SLC23A2: variants seen among roughly 807,000 people sequenced by gnomAD.
SLC23A2 encodes solute carrier family 23 member 2, also known as Na(+)/L-ascorbic acid transporter 2.
Under a neutral mutation model 73.3 loss-of-function variants are expected in SLC23A2, and 36 were observed. The ratio of observed to expected loss-of-function variants is 0.49; its 90% CI spans 0.38 to 0.65. SLC23A2 has a LOEUF of 0.65. SLC23A2 is among the 30% of genes least tolerant of loss of function. SLC23A2 has a pLI of 0.00. For synonymous variants in SLC23A2, 343 were observed against 327.3 expected, an observed-to-expected ratio of 1.05 and a Z score of -0.52; for missense variants, 507 against 841.6, an observed-to-expected ratio of 0.60 and a Z score of 4.92.
Position 4,986,234 on chromosome 20 carries a change from G to A in SLC23A2, c.-282+15172C>T, listed in dbSNP as rs1219844093. 2.0e-5 allele frequency among the ~76,000 whole-genome samples: 3 copies of A among 152,242 alleles called. No homozygotes were observed. The East Asian group carries it at 5.8e-4, about 29-fold the overall frequency. ...TATAATCCCAGCAGAGGCGGGGGCA[G>A]GAGGATGGTTTGAACCCAGGAGTTC... On this transcript the variant is annotated intron_variant, in intron 1 of 16. Coordinates refer to ENST00000338244, the MANE Select transcript of SLC23A2 (RefSeq NM_005116.6).
chr20:4,853,165 C>T lies in SLC23A2; in HGVS notation c.*3807G>A, dbSNP rs150275750. 6.6e-6 allele frequency: 1 copy of T among 152,460 alleles called. No homozygotes were observed. The highest frequency in any genetic ancestry group is 1.5e-5 in the Non-Finnish European group (1 of 68,094). 9.4% of individuals were successfully genotyped at this position (152,460 alleles called of 1,614,324 possible). A position where few individuals can be genotyped will look rare whatever the true frequency, so the allele number is the denominator to read the frequency against. On this transcript the variant is annotated 3_prime_UTR_variant, in exon 17 of 17. Coordinates refer to ENST00000338244, the MANE Select transcript of SLC23A2 (RefSeq NM_005116.6). ...TTGCGAATGCTCAGGCCCGGAGCCG[C>T]ACACTAACGCGGCGTGCAGCAGGTG...
intron 2 of SLC23A2, among the ~76,000 whole-genome samples, chr20:4,961,867 T>A (rs937924808): frequency 6.6e-6 from 1 of 152,202 alleles, no homozygotes; most frequent in Admixed American, 6.5e-5. Context: ...ATAACCCTGA[T>A]AGGAAAACTT....
At chr20:5,001,191 G>C (rs2088117134) in intron 1 of SLC23A2, among the ~76,000 whole-genome samples, 1 of 150,970 alleles carries the variant, frequency 6.6e-6, no homozygotes, top group African/African-American at 2.4e-5. Context: ...GAGGGCCGCC[G>C]GGCATCTTGG....
intron 1 of SLC23A2, among the ~76,000 whole-genome samples, chr20:4,972,550 TG>T (rs2087578232): frequency 7.2e-6 from 1 of 138,320 alleles, no homozygotes; most frequent in African/African-American, 2.6e-5. Flanking sequence ...TTAAGCTATG[TG>T]GGGGTTTTTG....
chr20:4,857,082 A>G lies in SLC23A2; in HGVS notation c.1843T>C (p.Cys615Arg). 9 of 1,613,992 alleles carry G rather than the reference A, an allele frequency of 5.6e-6. No individual in the cohort carries two copies. The highest frequency in any genetic ancestry group is 6.8e-6 in the Non-Finnish European group (8 of 1,179,892). ...GGGCTGATGGGTAAGTAGCTGAAGC[A>G]TCTGTATTTTTTTATAATGTTCATG... is the stretch of plus-strand genomic sequence containing the variant. ...FGMNIIKKYRCFSYLPISPTF... is the reference protein window; with the variant it reads ...FGMNIIKKYRRFSYLPISPTF... Residue 615 changes from cysteine (C) to arginine (R), a missense_variant, in exon 17 of 17, where the codon TGC (cysteine) becomes CGC (arginine). Transcript: ENST00000338244. This position sits in a 1 kb window ranked among gnomAD's most constrained non-coding sequence, Gnocchi z 4.0.
chr20:4,870,190 T>C, intron 11 of SLC23A2, 137 bp from the exon 12 acceptor site: 1 of 737,246 alleles, frequency 1.4e-6, no homozygotes, highest in Non-Finnish European at 2.2e-6. Context: ...AAACTGTTCA[T>C]TTTAAAATCT....
intron 1 of SLC23A2, among the ~76,000 whole-genome samples, chr20:5,008,056 T>G (rs1162929697): frequency 6.6e-6 from 1 of 152,010 alleles, no homozygotes; most frequent in Admixed American, 6.6e-5. Flanking sequence ...ATTACAGGCA[T>G]GCGCCACCAC....
intron 1 of SLC23A2, among the ~76,000 whole-genome samples, chr20:4,994,424 C>T (rs1365655528): frequency 6.6e-6 from 1 of 152,044 alleles, no homozygotes; most frequent in Non-Finnish European, 1.5e-5. Context: ...TTTAGCCAGC[C>T]CTGGAGAGGA....
At chr20:4,985,306 T>C (rs2087806823) in intron 1 of SLC23A2, among the ~76,000 whole-genome samples, 1 of 152,084 alleles carries the variant, frequency 6.6e-6, no homozygotes. Flanking sequence ...CAAATGTCCA[T>C]CAACTAATTA....
chr20:4,972,832 G>GC (rs1330671008), intron 1 of SLC23A2, among the ~76,000 whole-genome samples: 1 of 151,576 alleles, frequency 6.6e-6, no homozygotes, highest in Non-Finnish European at 1.5e-5. Flanking sequence ...TGATCCACCC[G>GC]CCTCGGCTCC....
intron 1 of SLC23A2, among the ~76,000 whole-genome samples, chr20:5,006,563 A>G (rs1322730591): frequency 7.2e-6 from 1 of 138,090 alleles, no homozygotes; most frequent in Non-Finnish European, 1.7e-5. Context: ...TTATTTATTT[A>G]TTTATTTATT....
chr20:4,898,237 T>A (rs1169648555), intron 6 of SLC23A2, among the ~76,000 whole-genome samples: 1 of 152,188 alleles, frequency 6.6e-6, no homozygotes, highest in Non-Finnish European at 1.5e-5. Context: ...AGGGCTGGGA[T>A]CTGGGAACCA....
At chr20:4,864,277 TC>T (rs1370093827) in intron 13 of SLC23A2, among the ~76,000 whole-genome samples, 2 of 152,140 alleles carry the variant, frequency 1.3e-5, no homozygotes, top group Admixed American at 6.5e-5. Flanking sequence ...CGGCCACATC[TC>T]AAGTGCCCAC....
intron 3 of SLC23A2, among the ~76,000 whole-genome samples, chr20:4,914,324 C>T (rs1932253593): frequency 6.6e-6 from 1 of 151,854 alleles, no homozygotes; most frequent in Non-Finnish European, 1.5e-5. Context: ...AGAAGAAAAA[C>T]ATATATACAA....
rs1243047233 is a variant in SLC23A2, at chr20:4,964,096, T to C, written c.-155+6697A>G. Among the ~76,000 whole-genome samples, 16 of 151,860 alleles carry C rather than the reference T, an allele frequency of 1.1e-4. No individual in the cohort carries two copies. In the East Asian group the frequency reaches 2.9e-3, roughly 28 times the overall value. Reference sequence around the variant, plus strand: ...ATCATGACTCACTGCAGCCTTGACCTTCCTGGGCTCAGGTGATCCTCCCAC... The same window carrying C: ...ATCATGACTCACTGCAGCCTTGACCCTCCTGGGCTCAGGTGATCCTCCCAC... On this transcript the variant is annotated intron_variant, in intron 2 of 16. Coordinates refer to ENST00000338244, the MANE Select transcript of SLC23A2 (RefSeq NM_005116.6).
rs539375180 is a variant in SLC23A2, at chr20:4,998,467, G to A, written c.-282+2939C>T. Among the ~76,000 whole-genome samples the A allele has an allele frequency of 1.3e-5, 2 of 152,142 alleles. No individual in the cohort carries two copies. Among genetic ancestry groups the A allele is most frequent in the Admixed American group, 1.3e-4 (2 of 15,278 alleles). On this transcript the variant is annotated intron_variant, in intron 1 of 16. Transcript: ENST00000338244. The surrounding 1 kb of genome is among the most constrained non-coding windows in gnomAD (Gnocchi z 4.1). ...AAGCCACAGAGAAAATGAGAAGAACGGCATAGCGCACAAAGGGCTCGTTTC... is the reference window on the plus strand; with the variant it reads ...AAGCCACAGAGAAAATGAGAAGAACAGCATAGCGCACAAAGGGCTCGTTTC...
intron 2 of SLC23A2, among the ~76,000 whole-genome samples, chr20:4,961,282 C>G (rs181151561): frequency 0.021 from 3,244 of 152,060 alleles, 38 homozygotes; most frequent in Non-Finnish European, 0.035. Flanking sequence ...GGGGTTTCAC[C>G]TTGTTAGCCA....
intron 1 of SLC23A2, among the ~76,000 whole-genome samples, chr20:4,986,839 C>T (rs2087839093): frequency 6.6e-6 from 1 of 151,970 alleles, no homozygotes; most frequent in Non-Finnish European, 1.5e-5. Context: ...GCTGAAGTCA[C>T]TTTAAAGCAT....
intron 1 of SLC23A2, among the ~76,000 whole-genome samples, chr20:4,993,788 T>A (rs1333926263): frequency 6.6e-6 from 1 of 152,050 alleles, no homozygotes; most frequent in Non-Finnish European, 1.5e-5. Flanking sequence ...TGATAAGAAA[T>A]ATATGAACTT....
Sources: gnomAD v4.1 joint callset for allele counts (sites outside exome capture counted in the v4.1 genomes callset) on GRCh38, gnomAD v4.1.1 for gene constraint, Gnocchi (gnomAD v3.1) non-coding constraint, MANE v1.5 for transcripts, NCBI Gene and HGNC (gene_info 2026-07-23, HGNC 2026-07-21) for gene names.